MYO3A: variants seen among roughly 807,000 people sequenced by gnomAD.
MYO3A encodes myosin IIIA.
In MYO3A, 180 loss-of-function variants were observed where a neutral mutation model predicts 192.7. That is an observed-to-expected ratio of 0.93 (90% CI 0.83 to 1.06). MYO3A has a LOEUF of 1.06. MYO3A is among the 50% of genes least tolerant of loss of function. MYO3A has a pLI of 0.00. For synonymous variants in MYO3A, 628 were observed against 645.3 expected (o/e 0.97, Z 0.41); for missense variants, 1,896 against 1,905.0 (o/e 1.00, Z 0.09).
intron 17 of MYO3A, 26 bp downstream of exon 17, chr10:26,096,708 C>T (rs2131560536): frequency 2.1e-6 from 3 of 1,429,072 alleles, no homozygotes; most frequent in South Asian, 1.1e-5. Flanking sequence ...ACTTGAACTT[C>T]TTTAGAAAGT....
chr10:26,152,806 G>T (rs1441111469), intron 23 of MYO3A, among the ~76,000 whole-genome samples: 1 of 152,136 alleles, frequency 6.6e-6, no homozygotes, highest in African/African-American at 2.4e-5. Context: ...AGCCTAGCAT[G>T]GAAACTGTGG....
At chr10:26,071,570 T>C (rs1335403376) in intron 14 of MYO3A, among the ~76,000 whole-genome samples, 1 of 152,152 alleles carries the variant, frequency 6.6e-6, no homozygotes, top group African/African-American at 2.4e-5. Flanking sequence ...CTGAGGACAC[T>C]GTTACAAAAA....
At chr10:26,148,866 A>G (rs990895827) in intron 23 of MYO3A, among the ~76,000 whole-genome samples, 3 of 152,132 alleles carry the variant, frequency 2.0e-5, no homozygotes, top group Non-Finnish European at 2.9e-5. Context: ...TTATCAGGGT[A>G]GCTTTTTTTT....
intron 10 of MYO3A, among the ~76,000 whole-genome samples, chr10:26,035,598 A>G (rs957595629): frequency 6.6e-6 from 1 of 152,202 alleles, no homozygotes; most frequent in Non-Finnish European, 1.5e-5. Flanking sequence ...TTTTGCTGGA[A>G]AGGAACTTTG....
intron 17 of MYO3A, among the ~76,000 whole-genome samples, chr10:26,110,380 A>G (rs551802535): frequency 1.3e-5 from 2 of 152,242 alleles, no homozygotes; most frequent in East Asian, 1.9e-4. Context: ...TGTTTAATGC[A>G]TTTTCTCTGA....
intron 4 of MYO3A, among the ~76,000 whole-genome samples, chr10:25,982,052 C>T (rs112070099): frequency 0.043 from 6,591 of 152,176 alleles, 182 homozygotes; most frequent in Middle Eastern, 0.068. Flanking sequence ...TGATGGGGCA[C>T]GGTGGGAGTG....
Position 26,168,793 on chromosome 10 carries a change from T to C in MYO3A, c.3193T>C (p.Cys1065Arg). The C allele has an allele frequency of 1.2e-6, 2 of 1,613,294 alleles. No individual in the cohort carries two copies. Among genetic ancestry groups the C allele is most frequent in the Non-Finnish European group, 1.7e-6 (2 of 1,179,726 alleles). ...AIDKLILIQA[C>R]VRAFLCSRRY... ...TGACAAGCTTATTTTGATTCAAGCTTGTGTCAGAGCATTCTTGTGTTCAAG... is the reference window on the plus strand; with the variant it reads ...TGACAAGCTTATTTTGATTCAAGCTCGTGTCAGAGCATTCTTGTGTTCAAG... Residue 1065 changes from cysteine to arginine, a missense_variant, in exon 28 of 35, where the codon TGT becomes CGT. Transcript: ENST00000642920.
intron 17 of MYO3A, among the ~76,000 whole-genome samples, chr10:26,118,039 CTGG>C (rs1838624282): frequency 6.6e-6 from 1 of 152,162 alleles, no homozygotes; most frequent in African/African-American, 2.4e-5. Flanking sequence ...ACCATTCTTA[CTGG>C]TGTGAGATGG....
intron 31 of MYO3A, among the ~76,000 whole-genome samples, chr10:26,187,851 A>G (rs887865441): frequency 6.6e-6 from 1 of 151,978 alleles, no homozygotes; most frequent in Non-Finnish European, 1.5e-5. Flanking sequence ...ATAGTATTCC[A>G]TGGTGTATAT....
At chr10:26,144,112 A>AT (rs1840320869) in intron 21 of MYO3A, among the ~76,000 whole-genome samples, 1 of 152,126 alleles carries the variant, frequency 6.6e-6, no homozygotes, top group Non-Finnish European at 1.5e-5. Flanking sequence ...AAATGTATTC[A>AT]TTTTTTGTGT....
At chr10:26,145,414 G>T in intron 21 of MYO3A, 32 bp from the exon 22 acceptor site, 1 of 1,406,650 alleles carries the variant, frequency 7.1e-7, no homozygotes, top group Non-Finnish European at 1.0e-6. Flanking sequence ...TCTCATACAT[G>T]CTTGATATTT....
intron 10 of MYO3A, among the ~76,000 whole-genome samples, chr10:26,053,652 C>T (rs1031717764): frequency 2.0e-5 from 3 of 151,988 alleles, no homozygotes; most frequent in Non-Finnish European, 4.4e-5. Context: ...AGTGAAACCC[C>T]GTCTCTACTA....
intron 20 of MYO3A, 112 bp downstream of exon 20, chr10:26,128,650 G>A: frequency 8.5e-7 from 1 of 1,171,318 alleles, no homozygotes. Context: ...ATTTTAGAAA[G>A]ACAAAAGATT....
At chr10:26,000,804 A>G (rs1330986921) in intron 6 of MYO3A, among the ~76,000 whole-genome samples, 1 of 152,112 alleles carries the variant, frequency 6.6e-6, no homozygotes, top group East Asian at 1.9e-4. Context: ...TCACACTGCT[A>G]TAAAGAACTA....
chr10:26,000,082 T>A (rs1840694597), intron 6 of MYO3A, among the ~76,000 whole-genome samples: 1 of 152,144 alleles, frequency 6.6e-6, no homozygotes, highest in Non-Finnish European at 1.5e-5. Flanking sequence ...ACACATCTGA[T>A]CCTGCGACTA....
At chr10:26,082,099 CT>C (rs1835996642) in intron 14 of MYO3A, among the ~76,000 whole-genome samples, 1 of 152,190 alleles carries the variant, frequency 6.6e-6, no homozygotes. Context: ...ATGATTGACC[CT>C]TCCTGGGATT....
At chr10:26,186,231 C>G (rs1019441240) in intron 31 of MYO3A, among the ~76,000 whole-genome samples, 2 of 150,520 alleles carry the variant, frequency 1.3e-5, no homozygotes, top group African/African-American at 4.9e-5. Context: ...GGAGCATACA[C>G]TTGTCCTGAC....
intron 31 of MYO3A, among the ~76,000 whole-genome samples, chr10:26,184,613 C>CA (rs111649120): frequency 0.098 from 14,946 of 152,092 alleles, 811 homozygotes; most frequent in Non-Finnish European, 0.12. Context: ...CTTCTGAATG[C>CA]AAAAAAGCGG....
At chr10:26,101,064 A>G (rs976695909) in intron 17 of MYO3A, among the ~76,000 whole-genome samples, 1 of 152,162 alleles carries the variant, frequency 6.6e-6, no homozygotes, top group African/African-American at 2.4e-5. Flanking sequence ...GACTTGCTTT[A>G]TGAATCTGGG....
Sources: allele counts gnomAD v4.1 joint callset (sites outside exome capture counted in the v4.1 genomes callset), GRCh38; gene constraint gnomAD v4.1.1; transcripts MANE v1.5; gene names NCBI Gene and HGNC (gene_info 2026-07-23, HGNC 2026-07-21).